The following CNTN1 variants were observed in gnomAD, a reference collection of about 807,000 sequenced individuals.
CNTN1 encodes contactin 1.
Under a neutral mutation model 126.4 loss-of-function variants are expected in CNTN1, and 38 were observed. The ratio of observed to expected loss-of-function variants is 0.30; its 90% confidence interval spans 0.23 to 0.39. CNTN1 has a LOEUF of 0.39. Among genes scored for constraint, CNTN1 ranks in the 10% least tolerant of loss-of-function variants. CNTN1 has a pLI of 1.00. For synonymous variants in CNTN1, 413 were observed against 422.6 expected (o/e 0.98, Z 0.28); for missense variants, 1,009 against 1,248.4 (o/e 0.81, Z 2.89).
In CNTN1 at chr12:40,922,454, A is replaced by C. The variant is rs1359157752; in HGVS notation, c.400+26A>C. On this transcript the variant is annotated intron_variant, in intron 5 of 23. Transcript: ENST00000551295. ...GTAAGTAAACTGTAACTTTTAAAAA[A>C]GGGCAAGCGTGTTTAGGTGAGTTCA... 1.9e-6 allele frequency: 3 copies of C among 1,610,098 alleles called. No homozygotes were observed. In the South Asian group the frequency reaches 3.3e-5, roughly 18 times the overall value.
chr12:41,050,568 C>T (rs1949652744), intron 23 of CNTN1, among the ~76,000 whole-genome samples: 1 of 152,138 alleles, frequency 6.6e-6, no homozygotes, highest in Non-Finnish European at 1.5e-5. Context: ...AGGTCCCTCC[C>T]CCAACACTGG....
intron 1 of CNTN1, among the ~76,000 whole-genome samples, chr12:40,888,127 C>T (rs1944111839): frequency 6.6e-6 from 1 of 151,862 alleles, no homozygotes; most frequent in Non-Finnish European, 1.5e-5. Flanking sequence ...AACAAACCTG[C>T]ACATTGTGCA....
chr12:41,033,213 T>C lies in CNTN1; in HGVS notation c.2980+3994T>C, dbSNP rs1263207070. 5.3e-5 allele frequency among the ~76,000 whole-genome samples: 8 copies of C among 152,354 alleles called. No individual in the cohort carries two copies. The East Asian group carries it at 1.5e-3, about 29-fold the overall frequency. ...CTTATTCCTTATTGAATATTTGTAG[T>C]GCATATCAAGGCAAATGTAACACCA... On this transcript the variant is annotated intron_variant, in intron 23 of 23. Coordinates refer to ENST00000551295, the MANE Select transcript of CNTN1 (RefSeq NM_001843.4).
At chr12:40,934,223 T>C (rs1946001122) in intron 9 of CNTN1, among the ~76,000 whole-genome samples, 1 of 152,004 alleles carries the variant, frequency 6.6e-6, no homozygotes, top group Non-Finnish European at 1.5e-5. Flanking sequence ...TGTTATGACT[T>C]AGTTTAAGTC....
intron 6 of CNTN1, among the ~76,000 whole-genome samples, chr12:40,926,340 A>T (rs538579765): frequency 6.6e-6 from 1 of 152,166 alleles, no homozygotes; most frequent in East Asian, 1.9e-4. Flanking sequence ...TAACAATATG[A>T]GTATCCGAGA....
At chr12:40,857,487 G>A (rs971178427) in intron 1 of CNTN1, among the ~76,000 whole-genome samples, 1 of 151,962 alleles carries the variant, frequency 6.6e-6, no homozygotes, top group Non-Finnish European at 1.5e-5. Flanking sequence ...AGCAGCCTGG[G>A]GTTAGAAACA....
chr12:40,993,679 G>A (rs769981920), intron 17 of CNTN1, among the ~76,000 whole-genome samples: 15 of 152,130 alleles, frequency 9.9e-5, no homozygotes, highest in Non-Finnish European at 1.6e-4. Flanking sequence ...ATAATTCTGT[G>A]TCTCTCTCGA....
chr12:41,068,553 C>G (rs1317521728), intron 23 of CNTN1, among the ~76,000 whole-genome samples: 2 of 151,988 alleles, frequency 1.3e-5, no homozygotes, highest in African/African-American at 4.8e-5. Context: ...TGAAGACAAG[C>G]AAGCAGACAG....
At chr12:40,706,803 T>C (rs545960840) in intron 1 of CNTN1, among the ~76,000 whole-genome samples, 1 of 152,266 alleles carries the variant, frequency 6.6e-6, no homozygotes, top group Non-Finnish European at 1.5e-5. Context: ...GCACTGGCTG[T>C]TCTCAATATT....
intron 23 of CNTN1, among the ~76,000 whole-genome samples, chr12:41,056,497 A>G (rs1949805184): frequency 6.6e-6 from 1 of 152,156 alleles, no homozygotes; most frequent in African/African-American, 2.4e-5. Flanking sequence ...AAGAGAAGAG[A>G]AACAGAGATA....
At chr12:40,871,215 C>G (rs1322458136) in intron 1 of CNTN1, among the ~76,000 whole-genome samples, 1 of 97,454 alleles carries the variant, frequency 1.0e-5, no homozygotes, top group African/African-American at 3.4e-5. Context: ...AAAAAAAAAA[C>G]AGAAGAAGCA....
At chr12:40,706,288 G>T (rs1377342864) in intron 1 of CNTN1, among the ~76,000 whole-genome samples, 1 of 119,236 alleles carries the variant, frequency 8.4e-6, no homozygotes, top group Non-Finnish European at 1.6e-5. Context: ...TTTAACCAGA[G>T]AGAAATCTTT....
intron 1 of CNTN1, among the ~76,000 whole-genome samples, chr12:40,820,098 A>G (rs562243708): frequency 6.6e-6 from 1 of 152,312 alleles, no homozygotes; most frequent in East Asian, 1.9e-4. Flanking sequence ...GCATCTGGTA[A>G]AGGCCTCAGA....
At chr12:40,999,509 C>CT (rs1379031963) in intron 17 of CNTN1, among the ~76,000 whole-genome samples, 1 of 152,044 alleles carries the variant, frequency 6.6e-6, no homozygotes, top group East Asian at 1.9e-4. Context: ...AAATAGAGCA[C>CT]CTAACTCCTC....
intron 1 of CNTN1, among the ~76,000 whole-genome samples, chr12:40,782,278 T>C (rs1408106801): frequency 1.3e-5 from 2 of 151,888 alleles, no homozygotes; most frequent in African/African-American, 2.4e-5. Flanking sequence ...GTTTTGGATA[T>C]GAACCATTAA....
At chr12:41,069,862 C>T in intron 23 of CNTN1, 97 bp from the exon 24 acceptor site, 1 of 931,898 alleles carries the variant, frequency 1.1e-6, no homozygotes. Flanking sequence ...ATTTGTTTTC[C>T]AGGGCTATGC....
At chr12:41,034,174 T>C (rs1324939242) in intron 23 of CNTN1, among the ~76,000 whole-genome samples, 2 of 152,242 alleles carry the variant, frequency 1.3e-5, no homozygotes, top group African/African-American at 4.8e-5. Context: ...AAAGTTACTA[T>C]ATATTCATTT....
At chr12:40,768,846 A>C (rs749860480) in intron 1 of CNTN1, among the ~76,000 whole-genome samples, 43 of 152,218 alleles carry the variant, frequency 2.8e-4, no homozygotes, top group Non-Finnish European at 5.9e-4. Context: ...CATTTTCTCA[A>C]ATTTTAAATA....
intron 1 of CNTN1, among the ~76,000 whole-genome samples, chr12:40,730,726 A>T (rs1441652915): frequency 1.3e-5 from 2 of 152,202 alleles, no homozygotes; most frequent in Non-Finnish European, 2.9e-5. Flanking sequence ...TAGTTGTAAG[A>T]GAATATCTTT....
Sources: gnomAD v4.1 joint callset for allele counts (sites outside exome capture counted in the v4.1 genomes callset) on GRCh38, gnomAD v4.1.1 for gene constraint, MANE v1.5 for transcripts, NCBI Gene and HGNC (gene_info 2026-07-23, HGNC 2026-07-21) for gene names.